Variants in ABCA13 observed in about 807,000 individuals in gnomAD.
ABCA13 encodes ATP binding cassette subfamily A member 13.
Under a neutral mutation model 478.7 loss-of-function variants are expected in ABCA13, and 476 were observed. The ratio of observed to expected loss-of-function variants is 0.99; its 90% CI spans 0.92 to 1.07. The LOEUF (loss-of-function observed/expected upper bound fraction) is 1.07. ABCA13 is among the 50% of genes least tolerant of loss of function. The pLI is 0.00. For synonymous variants in ABCA13, 2,252 were observed against 2,158.9 expected, an observed-to-expected ratio of 1.04 and a Z score of -1.20; for missense variants, 6,060 against 5,910.6, an observed-to-expected ratio of 1.03 and a Z score of -0.83.
intron 45 of ABCA13, among the ~76,000 whole-genome samples, chr7:48,477,578 A>C (rs1288938004): frequency 3.9e-5 from 6 of 152,244 alleles, no homozygotes; most frequent in African/African-American, 1.4e-4. Context: ...TAATGAGTTC[A>C]TGTCTTTTGT....
chr7:48,338,929 G>A lies in ABCA13; in HGVS notation c.10204+474G>A, dbSNP rs563171537. ...TAACAAACATTTGCTGGACACACGA[G>A]GAGAGCCAGTTCCATGAAATAATCC... On this transcript the variant is annotated intron_variant, in intron 29 of 61. Coordinates refer to ENST00000435803, the MANE Select transcript of ABCA13 (RefSeq NM_152701.5). 1.1e-4 allele frequency among the ~76,000 whole-genome samples: 17 copies of A among 152,280 alleles called. No individual in the cohort carries two copies. In the South Asian group the frequency reaches 3.1e-3, roughly 28 times the overall value.
chr7:48,396,131 C>T (rs911672731), intron 38 of ABCA13, among the ~76,000 whole-genome samples: 37 of 152,314 alleles, frequency 2.4e-4, no homozygotes, highest in African/African-American at 8.7e-4. Context: ...TATTACCCTC[C>T]CCTCCACTGC....
chr7:48,529,137 G>A (rs1257753132), intron 55 of ABCA13, among the ~76,000 whole-genome samples: 1 of 152,158 alleles, frequency 6.6e-6, no homozygotes, highest in Non-Finnish European at 1.5e-5. Context: ...GCTCTGATCA[G>A]GACTAATGTT....
intron 24 of ABCA13, among the ~76,000 whole-genome samples, chr7:48,312,142 C>G (rs1801872072): frequency 6.6e-6 from 1 of 152,128 alleles, no homozygotes; most frequent in African/African-American, 2.4e-5. Flanking sequence ...GATCCCGGAG[C>G]CCTGAAAGTC....
chr7:48,335,418 G>A lies in ABCA13; in HGVS notation c.10000-4G>A. 6.3e-7 allele frequency: 1 copy of A among 1,580,420 alleles called. No homozygotes were observed. ...GACATATCCAAATATGCTTCATTTT[G>A]CAGGCTAATTACACCTTTTATATTG... On this transcript the variant is annotated splice_polypyrimidine_tract_variant and splice_region_variant and intron_variant, in intron 27 of 61. Transcript: ENST00000435803.
intron 29 of ABCA13, among the ~76,000 whole-genome samples, chr7:48,347,731 C>T (rs1171939741): frequency 2.0e-5 from 3 of 152,164 alleles, no homozygotes; most frequent in Non-Finnish European, 4.4e-5. Context: ...TGCTGTGCTA[C>T]CTGAACTGTT....
intron 28 of ABCA13, 110 bp from the exon 29 acceptor site, chr7:48,338,255 T>C: frequency 1.4e-6 from 1 of 731,654 alleles, no homozygotes; most frequent in Non-Finnish European, 2.0e-6. Flanking sequence ...GTGGATTCAG[T>C]TTATGTGCCT....
At chr7:48,363,155 A>G (rs1811148944) in intron 31 of ABCA13, among the ~76,000 whole-genome samples, 1 of 152,194 alleles carries the variant, frequency 6.6e-6, no homozygotes, top group African/African-American at 2.4e-5. Flanking sequence ...TTCCTTAAGA[A>G]GCTCTCATAA....
At chr7:48,243,560 C>G (rs780728018) in intron 10 of ABCA13, among the ~76,000 whole-genome samples, 49 of 152,166 alleles carry the variant, frequency 3.2e-4, no homozygotes, top group Non-Finnish European at 6.2e-4. Context: ...GGTACCAGTT[C>G]CTGCTGGTGT....
At chr7:48,377,967 C>A (rs1813762943) in intron 35 of ABCA13, among the ~76,000 whole-genome samples, 1 of 152,190 alleles carries the variant, frequency 6.6e-6, no homozygotes, top group Non-Finnish European at 1.5e-5. Context: ...CCAGAATGAT[C>A]TGATTTCTCC....
At chr7:48,592,136 A>T (rs991982180) in intron 57 of ABCA13, among the ~76,000 whole-genome samples, 17 of 151,656 alleles carry the variant, frequency 1.1e-4, no homozygotes, top group Middle Eastern at 3.4e-3. Context: ...TAACTTTGGG[A>T]TTAGTTCATT....
Position 48,522,791 on chromosome 7 carries a change from C to G in ABCA13, c.14052-1457C>G, listed in dbSNP as rs527794648. 2.9e-3 allele frequency among the ~76,000 whole-genome samples: 436 copies of G among 152,216 alleles called. 2 individuals carry two copies. The highest frequency in any genetic ancestry group is 2.8e-3 in the Non-Finnish European group (192 of 68,030). On this transcript the variant is annotated intron_variant, in intron 53 of 61. Transcript: ENST00000435803. ...GCAATGAGAAGCTCTGGGGATGAGA[C>G]CCAGGAGCTGTTCATAAAGCTTCCC...
chr7:48,571,694 T>C (rs1338980781), intron 55 of ABCA13, among the ~76,000 whole-genome samples: 2 of 152,216 alleles, frequency 1.3e-5, no homozygotes, highest in African/African-American at 2.4e-5. Flanking sequence ...GATTATTTTG[T>C]ATATATTATA....
intron 59 of ABCA13, among the ~76,000 whole-genome samples, chr7:48,634,548 T>C (rs947719071): frequency 1.3e-5 from 2 of 152,206 alleles, no homozygotes; most frequent in Admixed American, 1.3e-4. Context: ...TTTTTTTTCA[T>C]AGCCATATTC....
intron 54 of ABCA13, among the ~76,000 whole-genome samples, chr7:48,526,573 A>G (rs117777196): frequency 3.2e-3 from 488 of 152,252 alleles, no homozygotes; most frequent in Non-Finnish European, 5.9e-3. Context: ...TATATAATAT[A>G]CTTTCACAAA....
intron 3 of ABCA13, among the ~76,000 whole-genome samples, chr7:48,209,253 G>GT (rs1785315726): frequency 6.6e-6 from 1 of 151,970 alleles, no homozygotes; most frequent in African/African-American, 2.4e-5. Context: ...ATTAAATTCA[G>GT]TTTTGTTGGT....
chr7:48,214,730 G>T (rs915853695), intron 3 of ABCA13, among the ~76,000 whole-genome samples: 1 of 152,094 alleles, frequency 6.6e-6, no homozygotes, highest in Non-Finnish European at 1.5e-5. Flanking sequence ...CCTCTCTCAG[G>T]CTTCATAGAA....
At chr7:48,558,110 G>A (rs1786037188) in intron 55 of ABCA13, among the ~76,000 whole-genome samples, 1 of 149,132 alleles carries the variant, frequency 6.7e-6, no homozygotes, top group African/African-American at 2.6e-5. Context: ...TCTTTAGTAT[G>A]TCAATTGTAC....
chr7:48,271,847 T>A lies in ABCA13; in HGVS notation c.2181T>A (p.Asp727Glu). 6.3e-7 allele frequency: 1 copy of A among 1,586,712 alleles called. No individual in the cohort carries two copies. Among genetic ancestry groups the A allele is most frequent in the Non-Finnish European group, 8.6e-7 (1 of 1,165,016 alleles). ...MMEKKLHTLE[D>E]EQMNFLLSFV... ...AAAAGAAGTTGCACACCCTTGAGGA[T>A]GAACAAATGAACTTTCTTTTATCAT... The change falls in exon 17 of 62, where the codon GAT becomes GAA. Residue 727 changes from aspartate to glutamate, a missense_variant. Physicochemically the swap from Asp to Glu is conservative, Grantham distance 45. Transcript: ENST00000435803.
Sources: gnomAD v4.1 joint callset for allele counts (sites outside exome capture counted in the v4.1 genomes callset) on GRCh38, gnomAD v4.1.1 for gene constraint, MANE v1.5 for transcripts, NCBI Gene and HGNC (gene_info 2026-07-23, HGNC 2026-07-21) for gene names.